The following ARHGAP23 variants were observed in gnomAD, a reference collection of about 807,000 sequenced individuals.
ARHGAP23 encodes the protein rho GTPase-activating protein 23.
ARHGAP23 carries 34 observed loss-of-function variants against 136.3 expected under a neutral mutation model. The observed-to-expected ratio is 0.25, with a 90% CI of 0.19 to 0.33. The LOEUF is 0.33. Ranked by LOEUF, ARHGAP23 falls within the 10% of genes least tolerant of loss-of-function variation. ARHGAP23 has a pLI of 1.00. For missense variants in ARHGAP23, 1,808 were observed against 2,139.0 expected (o/e 0.85, Z 3.05); for synonymous variants, 832 against 920.5 (o/e 0.90, Z 1.74).
At chr17:38,446,594 G>A (rs1222451832) in intron 1 of ARHGAP23, among the ~76,000 whole-genome samples, 2 of 149,564 alleles carry the variant, frequency 1.3e-5, no homozygotes, top group East Asian at 2.0e-4. Flanking sequence ...GGATCATATG[G>A]TAATTCTGTG....
At chr17:38,425,517 C>G (rs1039847214), upstream of ARHGAP23, among the ~76,000 whole-genome samples, 1 of 152,172 alleles carries the variant, frequency 6.6e-6, no homozygotes, top group African/African-American at 2.4e-5. Context: ...CAGGGCCAAC[C>G]TACCCCACCC....
chr17:38,454,501 G>A (rs980186904), intron 1 of ARHGAP23, among the ~76,000 whole-genome samples: 2 of 152,140 alleles, frequency 1.3e-5, no homozygotes, highest in East Asian at 1.9e-4. Context: ...CCCGAGTTCC[G>A]AGGCAGGCAG....
Position 38,491,484 on chromosome 17 carries a change from G to A in ARHGAP23, c.3228G>A (p.Val1076=). 4 of 1,549,582 alleles carry A rather than the reference G, an allele frequency of 2.6e-6. No homozygotes were observed. The highest frequency in any genetic ancestry group is 3.5e-6 in the Non-Finnish European group (4 of 1,146,816). ...RTSEDNMTDM[V]THMPDRYKIV... is the part of the protein sequence containing the mutation. Reference sequence around the variant, plus strand: ...CTGAGGACAACATGACAGACATGGTGACCCACATGCCTGACCGCTACAAGA... The same window carrying A: ...CTGAGGACAACATGACAGACATGGTAACCCACATGCCTGACCGCTACAAGA... Residue 1076 remains valine (V), a synonymous_variant, in exon 20 of 24, where the codon GTG becomes GTA. Coordinates refer to ENST00000622683, the MANE Select transcript of ARHGAP23 (RefSeq NM_001199417.2).
chr17:38,466,832 G>A lies in ARHGAP23; in HGVS notation c.1149G>A (p.Gln383=). The change falls in exon 7 of 24, where the codon CAG becomes CAA. Residue 383 remains glutamine (Q), a synonymous_variant. Transcript: ENST00000622683. ...PRFERCGWAS[Q]RSSARTPACP... ...TTGAGCGGTGTGGCTGGGCTTCCCA[G>A]CGTTCGTCTGCCCGCACCCCCGCCT... 2 of 1,548,624 alleles carry A rather than the reference G, an allele frequency of 1.3e-6. No homozygotes were observed. The highest frequency in any genetic ancestry group is 1.7e-6 in the Non-Finnish European group (2 of 1,146,530).
At chr17:38,486,536 CTTT>C (rs34888986) in intron 17 of ARHGAP23, among the ~76,000 whole-genome samples, 35 of 125,824 alleles carry the variant, frequency 2.8e-4, no homozygotes, top group Non-Finnish European at 3.2e-4. Flanking sequence ...ACCACGCTGG[CTTT>C]TTTTTTTTTT....
intron 1 of ARHGAP23, among the ~76,000 whole-genome samples, chr17:38,422,394 G>A (rs1250844361): frequency 2.0e-5 from 3 of 152,206 alleles, no homozygotes; most frequent in Non-Finnish European, 4.4e-5. Flanking sequence ...TTTTTGTAAG[G>A]CATCTTTGAG....
chr17:38,469,942 G>T (rs924342171), intron 10 of ARHGAP23, 38 bp downstream of exon 10: 11 of 1,549,686 alleles, frequency 7.1e-6, no homozygotes, highest in African/African-American at 1.4e-5. Flanking sequence ...GCAGGAGCGA[G>T]GGTGTGGGGA....
intron 11 of ARHGAP23, among the ~76,000 whole-genome samples, chr17:38,474,031 G>A (rs1415076143): frequency 6.6e-6 from 1 of 152,028 alleles, no homozygotes; most frequent in Non-Finnish European, 1.5e-5. Context: ...AGCAATTCTT[G>A]AGCCTCAGCC....
At chr17:38,457,237 T>C (rs1429144038) in intron 1 of ARHGAP23, among the ~76,000 whole-genome samples, 2 of 152,168 alleles carry the variant, frequency 1.3e-5, no homozygotes, top group African/African-American at 4.8e-5. Context: ...AGTGCTGGGA[T>C]TACAGGTGTG....
chr17:38,483,782 G>C (rs2040099795), intron 16 of ARHGAP23, among the ~76,000 whole-genome samples: 1 of 152,190 alleles, frequency 6.6e-6, no homozygotes, highest in South Asian at 2.1e-4. Context: ...GCAGGTGGTG[G>C]CTGGAGGGTT....
intron 1 of ARHGAP23, among the ~76,000 whole-genome samples, chr17:38,430,524 A>G (rs1183540376): frequency 1.3e-5 from 2 of 152,198 alleles, no homozygotes; most frequent in Admixed American, 1.3e-4. Flanking sequence ...AGGAGTGGGT[A>G]GTGGATTGCT....
chr17:38,429,397 T>C lies in ARHGAP23; in HGVS notation c.63+849T>C, dbSNP rs2038638916. 2.6e-5 allele frequency among the ~76,000 whole-genome samples: 4 copies of C among 152,298 alleles called. No homozygotes were observed. The South Asian group carries it at 8.3e-4, about 32-fold the overall frequency. On this transcript the variant is annotated intron_variant, in intron 1 of 23. Transcript: ENST00000622683. ...CCCAGCAGGCCTCCCTGCTCCTAAG[T>C]TGAAGGGTTGAACACTGTCAGGCCA...
intron 10 of ARHGAP23, among the ~76,000 whole-genome samples, chr17:38,470,455 G>A (rs1043999428): frequency 3.3e-5 from 5 of 152,210 alleles, no homozygotes; most frequent in African/African-American, 9.7e-5. Context: ...AGGTGTGGCC[G>A]GGACACAGGG....
At chr17:38,492,827 TG>T (rs1319759570) in intron 20 of ARHGAP23, among the ~76,000 whole-genome samples, 4 of 152,184 alleles carry the variant, frequency 2.6e-5, no homozygotes, top group Admixed American at 2.6e-4. Flanking sequence ...GATGAGGCCT[TG>T]GGAAAGCTTA....
intron 19 of ARHGAP23, 73 bp from the exon 20 acceptor site, chr17:38,491,334 A>T (rs2040274437): frequency 6.5e-7 from 1 of 1,540,594 alleles, no homozygotes; most frequent in Admixed American, 2.0e-5. Flanking sequence ...TTGGGGACAG[A>T]GGCCTCAGGT....
intron 20 of ARHGAP23, among the ~76,000 whole-genome samples, chr17:38,496,840 C>G (rs1567824948): frequency 6.6e-6 from 1 of 151,996 alleles, no homozygotes; most frequent in Non-Finnish European, 1.5e-5. Context: ...GTAATCCCAG[C>G]TACTTGGGAG....
chr17:38,439,756 C>T (rs964104820), intron 1 of ARHGAP23, among the ~76,000 whole-genome samples: 13 of 151,710 alleles, frequency 8.6e-5, no homozygotes, highest in African/African-American at 3.1e-4. Flanking sequence ...AATCCAGCTT[C>T]CTCTGAATCC....
chr17:38,501,624 T>C (rs1318799571), intron 23 of ARHGAP23, among the ~76,000 whole-genome samples: 2 of 152,054 alleles, frequency 1.3e-5, no homozygotes, highest in Non-Finnish European at 2.9e-5. Flanking sequence ...TAATTGAATT[T>C]ATGGGCATAA....
chr17:38,459,740 T>G (rs4791699), intron 2 of ARHGAP23, among the ~76,000 whole-genome samples: 20,411 of 152,204 alleles, frequency 0.13, 1,602 homozygotes, highest in Middle Eastern at 0.26. Context: ...GGCTGTGTTC[T>G]CCCGTCCTTC....
Sources: gnomAD v4.1 joint callset for allele counts (sites outside exome capture counted in the v4.1 genomes callset) on GRCh38, gnomAD v4.1.1 for gene constraint, MANE v1.5 for transcripts, NCBI Gene and HGNC (gene_info 2026-07-23, HGNC 2026-07-21) for gene names.